TMEM233: variants seen among roughly 807,000 people sequenced by gnomAD.
TMEM233 encodes transmembrane protein 233, also known as dispanin subfamily B member 2.
In TMEM233, 6 loss-of-function variants were observed where a neutral mutation model predicts 11.2. The observed-to-expected ratio is 0.54, with a 90% confidence interval of 0.29 to 1.06. The LOEUF is 1.06. Among genes scored for constraint, TMEM233 ranks in the 50% least tolerant of loss-of-function variants. The pLI is 0.08. For synonymous variants in TMEM233, 59 were observed against 55.8 expected, an observed-to-expected ratio of 1.06 and a Z score of -0.26; for missense variants, 127 against 144.7, an observed-to-expected ratio of 0.88 and a Z score of 0.63.
Position 119,641,148 on chromosome 12 carries a change from A to C in TMEM233, c.*443A>C, listed in dbSNP as rs934739489. On this transcript the variant is annotated 3_prime_UTR_variant, in exon 3 of 3. Coordinates refer to ENST00000426426, the MANE Select transcript of TMEM233 (RefSeq NM_001136534.3). ...TACAATGTTGAGCACAAACATTTGC[A>C]GCATGTTTAAAATTGTCTAGTAGAG... 6.2e-6 allele frequency: 1 copy of C among 161,824 alleles called. No homozygotes were observed. The highest frequency in any genetic ancestry group is 2.4e-5 in the African/African-American group (1 of 41,754). 10.0% of individuals were successfully genotyped at this position (161,824 alleles called of 1,614,324 possible).
chr12:119,628,791 C>T (rs377516964), intron 1 of TMEM233, among the ~76,000 whole-genome samples: 128 of 152,118 alleles, frequency 8.4e-4, no homozygotes, highest in Middle Eastern at 6.8e-3. Context: ...TGAGCCACCA[C>T]GCCCGGCCCA....
intron 1 of TMEM233, among the ~76,000 whole-genome samples, chr12:119,601,508 A>T (rs1183187437): frequency 6.6e-6 from 1 of 152,012 alleles, no homozygotes; most frequent in Non-Finnish European, 1.5e-5. Context: ...TGCAAAAAAA[A>T]TTAGCCAGGC....
rs1954024539 is a variant in TMEM233, at chr12:119,595,488, G to C, written c.186+1454G>C. ...TTGTGGACAGCGTCTGCACCGATATGAAAGCGTGCAGCCGCTGAAGTTCAG... is the reference window on the plus strand; with the variant it reads ...TTGTGGACAGCGTCTGCACCGATATCAAAGCGTGCAGCCGCTGAAGTTCAG... On this transcript the variant is annotated intron_variant, in intron 1 of 2. Coordinates refer to ENST00000426426, the MANE Select transcript of TMEM233 (RefSeq NM_001136534.3). This position sits in a 1 kb window ranked among gnomAD's most constrained non-coding sequence, Gnocchi z 4.3. Among the ~76,000 whole-genome samples, 1 of 152,252 alleles carries C rather than the reference G, an allele frequency of 6.6e-6. No homozygotes were observed. The highest frequency in any genetic ancestry group is 6.5e-5 in the Admixed American group (1 of 15,290).
At chr12:119,640,136 G>T (rs4767835) in intron 2 of TMEM233, among the ~76,000 whole-genome samples, 112,025 of 151,958 alleles carry the variant, frequency 0.74, 41,761 homozygotes, top group Middle Eastern at 0.83. Context: ...TTCCATATCC[G>T]CATTTTGTTT....
chr12:119,629,596 G>A lies in TMEM233; in HGVS notation c.187-140G>A, dbSNP rs76333274. The A allele has an allele frequency of 4.9e-3, 3,869 of 794,824 alleles. 96 individuals carry two copies. The African/African-American group carries it at 0.056, about 12-fold the overall frequency. 49.2% of individuals were successfully genotyped at this position (794,824 alleles called of 1,614,324 possible). A position where few individuals can be genotyped will look rare whatever the true frequency, so the allele number is the denominator to read the frequency against. On this transcript the variant is annotated intron_variant, in intron 1 of 2. Coordinates refer to ENST00000426426, the MANE Select transcript of TMEM233 (RefSeq NM_001136534.3). The stretch of plus-strand genomic sequence containing the variant: ...TCCTGGAGGAGGGGATGACTGTGTT[G>A]TTTGCTTAGCAGGCTGTCAGTGAGA...
intron 1 of TMEM233, among the ~76,000 whole-genome samples, chr12:119,612,657 C>T (rs1406323894): frequency 1.8e-4 from 27 of 148,820 alleles, no homozygotes; most frequent in Admixed American, 3.4e-4. Flanking sequence ...GAGGCTGAGG[C>T]GGGAGAATGG....
intron 2 of TMEM233, among the ~76,000 whole-genome samples, chr12:119,632,847 T>C (rs1055359325): frequency 1.3e-5 from 2 of 152,222 alleles, no homozygotes; most frequent in Non-Finnish European, 2.9e-5. Flanking sequence ...ATTTGCAGCC[T>C]AGACACTATC....
At chr12:119,600,515 A>G (rs1288736240) in intron 1 of TMEM233, among the ~76,000 whole-genome samples, 1 of 152,200 alleles carries the variant, frequency 6.6e-6, no homozygotes, top group Non-Finnish European at 1.5e-5. Context: ...AATCAAAAAG[A>G]TGGAAAATAT....
intron 1 of TMEM233, among the ~76,000 whole-genome samples, chr12:119,623,257 C>T (rs1045373655): frequency 6.6e-6 from 1 of 152,266 alleles, no homozygotes; most frequent in Non-Finnish European, 1.5e-5. Context: ...GAGGGGACTT[C>T]ATTATTTTTC....
intron 1 of TMEM233, among the ~76,000 whole-genome samples, chr12:119,615,898 C>T (rs1257698202): frequency 6.6e-6 from 1 of 152,136 alleles, no homozygotes; most frequent in Admixed American, 6.5e-5. Flanking sequence ...CAGGAGTTGC[C>T]TGGCACAGCC....
intron 1 of TMEM233, among the ~76,000 whole-genome samples, chr12:119,619,644 A>G (rs1010535968): frequency 4.1e-5 from 5 of 123,362 alleles, no homozygotes; most frequent in African/African-American, 1.6e-4. Flanking sequence ...CTGTCTCAAG[A>G]AAAAAAAAAA....
intron 1 of TMEM233, among the ~76,000 whole-genome samples, chr12:119,609,117 T>G (rs1409342197): frequency 1.3e-5 from 2 of 152,304 alleles, no homozygotes; most frequent in South Asian, 4.1e-4. Context: ...AAAATGCTGA[T>G]AGTGATATGA....
chr12:119,605,129 AT>A (rs1262072440), intron 1 of TMEM233, among the ~76,000 whole-genome samples: 1 of 149,568 alleles, frequency 6.7e-6, no homozygotes, highest in African/African-American at 2.5e-5. Context: ...TGATAACTTT[AT>A]TTGTTCTTTG....
Position 119,642,793 on chromosome 12 carries a change from C to A in TMEM233, c.*2088C>A, listed in dbSNP as rs957745484. The A allele has an allele frequency of 1.9e-4, 14 of 72,334 alleles. No individual in the cohort carries two copies. The East Asian group carries it at 3.7e-3, about 19-fold the overall frequency. 4.5% of individuals were successfully genotyped at this position (72,334 alleles called of 1,614,324 possible). A position where few individuals can be genotyped will look rare whatever the true frequency, so the allele number is the denominator to read the frequency against. On this transcript the variant is annotated 3_prime_UTR_variant, in exon 3 of 3. Transcript: ENST00000426426. ...TTCAGCATTTTTTCATATACTGAACCCTAGCAAAAAAAAAAAAAATTCTGA... is the reference window on the plus strand; with the variant it reads ...TTCAGCATTTTTTCATATACTGAACACTAGCAAAAAAAAAAAAAATTCTGA...
intron 1 of TMEM233, among the ~76,000 whole-genome samples, chr12:119,611,379 A>C (rs1388999545): frequency 6.6e-6 from 1 of 152,072 alleles, no homozygotes; most frequent in Non-Finnish European, 1.5e-5. Context: ...GTAGATGCAA[A>C]GTGGTATATT....
chr12:119,640,798 G>T lies in TMEM233; in HGVS notation c.*93G>T. The T allele has an allele frequency of 1.4e-6, 2 of 1,407,794 alleles. No individual in the cohort carries two copies. The allele number at this position is 1,407,794 out of a possible 1,614,324, so 87.2% of individuals were successfully genotyped here. ...TCTAAGGAATGGATCCTTGACTTCA[G>T]ACTGTGAGATCTTTTCCTCCAGGAC... On this transcript the variant is annotated 3_prime_UTR_variant, in exon 3 of 3. Coordinates refer to ENST00000426426, the MANE Select transcript of TMEM233 (RefSeq NM_001136534.3).
intron 1 of TMEM233, among the ~76,000 whole-genome samples, chr12:119,622,613 G>T (rs565385700): frequency 6.6e-4 from 100 of 152,208 alleles, no homozygotes; most frequent in Non-Finnish European, 1.2e-3. Flanking sequence ...ACATGTTGGG[G>T]AAGCAGGGAA....
At chr12:119,632,665 C>A (rs1185916071) in intron 2 of TMEM233, among the ~76,000 whole-genome samples, 2 of 152,176 alleles carry the variant, frequency 1.3e-5, no homozygotes, top group African/African-American at 2.4e-5. Flanking sequence ...GCAGCCACCA[C>A]TCTGCTCCAA....
intron 1 of TMEM233, among the ~76,000 whole-genome samples, chr12:119,617,694 A>T (rs889486120): frequency 6.6e-6 from 1 of 152,042 alleles, no homozygotes; most frequent in Non-Finnish European, 1.5e-5. Flanking sequence ...TTAGCCAGGC[A>T]TGGTGGTGCA....
Sources: gnomAD v4.1 joint callset for allele counts (sites outside exome capture counted in the v4.1 genomes callset) on GRCh38, gnomAD v4.1.1 for gene constraint, Gnocchi (gnomAD v3.1) non-coding constraint, MANE v1.5 for transcripts, NCBI Gene and HGNC (gene_info 2026-07-23, HGNC 2026-07-21) for gene names.